Variants in CFAP161 observed in about 807,000 individuals in gnomAD.
CFAP161 encodes cilia and flagella associated protein 161.
In CFAP161, 25 loss-of-function variants were observed where a neutral mutation model predicts 29.0. That is an observed-to-expected ratio of 0.86 (90% confidence interval 0.63 to 1.20). The LOEUF (loss-of-function observed/expected upper bound fraction) is 1.20, where lower values mean the gene tolerates loss of function less well. Ranked by LOEUF, CFAP161 falls within the 50% of genes most tolerant of loss-of-function variation. CFAP161 has a pLI of 0.00. For synonymous variants in CFAP161, 116 were observed against 137.4 expected (o/e 0.84, Z 1.09); for missense variants, 367 against 371.9 (o/e 0.99, Z 0.11).
intron 1 of CFAP161, among the ~76,000 whole-genome samples, chr15:81,106,923 G>A (rs755452116): frequency 1.4e-4 from 21 of 152,070 alleles, no homozygotes; most frequent in Non-Finnish European, 2.4e-4. Context: ...AAAATTAGCC[G>A]GGCGTGATGG....
chr15:81,110,899 CA>C (rs1244899637), intron 1 of CFAP161, among the ~76,000 whole-genome samples: 2 of 152,168 alleles, frequency 1.3e-5, no homozygotes, highest in African/African-American at 4.8e-5. Flanking sequence ...TTCTTTCCCC[CA>C]GGGGTCTGCT....
At chr15:81,133,927 A>C (rs77293051), upstream of CFAP161, among the ~76,000 whole-genome samples, 5 of 123,634 alleles carry the variant, frequency 4.0e-5, no homozygotes, top group East Asian at 2.8e-4. Context: ...GCTGCTGCTG[A>C]TTACAAAAAA....
chr15:81,116,393 A>G (rs2141865935), intron 1 of CFAP161, among the ~76,000 whole-genome samples: 1 of 152,336 alleles, frequency 6.6e-6, no homozygotes, highest in African/African-American at 2.4e-5. Flanking sequence ...TCCTGGGTTC[A>G]AGTGATTCTC....
At chr15:81,147,084 G>C (rs1025655103) in intron 5 of CFAP161, among the ~76,000 whole-genome samples, 2 of 151,364 alleles carry the variant, frequency 1.3e-5, no homozygotes, top group Admixed American at 1.3e-4. Flanking sequence ...TGCTCCCTCT[G>C]CCCTGTGTTT....
Position 81,137,929 on chromosome 15 carries a change from A to T in CFAP161, c.393-122A>T, listed in dbSNP as rs1041781727. 4 of 686,684 alleles carry T rather than the reference A, an allele frequency of 5.8e-6. No individual in the cohort carries two copies. The Admixed American group carries it at 1.1e-4, about 19-fold the overall frequency. The allele number at this position is 686,684 out of a possible 1,614,324, so 42.5% of individuals were successfully genotyped here. On this transcript the variant is annotated intron_variant, in intron 3 of 6. Coordinates refer to ENST00000286732, the MANE Select transcript of CFAP161 (RefSeq NM_173528.4). ...TTTAATTACCTAATTCAGTTACAGT[A>T]TGTGAATATAAATTATCAAAAAACT...
At chr15:81,129,975 T>G (rs1212640616), upstream of CFAP161, among the ~76,000 whole-genome samples, 2 of 148,140 alleles carry the variant, frequency 1.4e-5, no homozygotes, top group Non-Finnish European at 3.0e-5. Context: ...ATATTGAAAA[T>G]CTGTTGTTTA....
chr15:81,118,280 C>T, intron 1 of CFAP161: 1 of 511,878 alleles, frequency 2.0e-6, no homozygotes, highest in Non-Finnish European at 3.7e-6. Flanking sequence ...ACAAATTCAG[C>T]TGTTAAGCTC....
upstream of CFAP161, chr15:81,134,252 G>C (rs1315829524): frequency 2.0e-6 from 3 of 1,515,818 alleles, no homozygotes; most frequent in African/African-American, 1.4e-5. Context: ...CAATCGCCTG[G>C]GGCCGGGTCG....
At chr15:81,130,509 G>T (rs895163908), upstream of CFAP161, among the ~76,000 whole-genome samples, 1 of 152,134 alleles carries the variant, frequency 6.6e-6, no homozygotes, top group Non-Finnish European at 1.5e-5. Flanking sequence ...GACCATCCTG[G>T]CTAACATGGT....
chr15:81,134,001 G>A (rs576535242), upstream of CFAP161, among the ~76,000 whole-genome samples: 1 of 152,296 alleles, frequency 6.6e-6, no homozygotes, highest in East Asian at 1.9e-4. Context: ...CAAGCAAGGG[G>A]TACTCGATAG....
intron 3 of CFAP161, 105 bp from the exon 4 acceptor site, chr15:81,137,946 C>CG: frequency 1.3e-6 from 1 of 788,710 alleles, no homozygotes; most frequent in Non-Finnish European, 2.1e-6. Context: ...TATAAATTAT[C>CG]AAAAAACTGA....
intron 1 of CFAP161, among the ~76,000 whole-genome samples, chr15:81,122,731 A>G (rs11852860): frequency 0.012 from 1,862 of 152,126 alleles, 34 homozygotes; most frequent in African/African-American, 0.043. Context: ...ACCTCAAGGA[A>G]TCTGCCTGCC....
Position 81,147,848 on chromosome 15 carries a change from A to T in CFAP161, c.637-10A>T. Reference sequence around the variant, plus strand: ...AGAATGCTAATAACACATTTTCTTTATCTGTTAAGGCAAATGCTAAAATTC... The same window carrying T: ...AGAATGCTAATAACACATTTTCTTTTTCTGTTAAGGCAAATGCTAAAATTC... On this transcript the variant is annotated splice_polypyrimidine_tract_variant and intron_variant, in intron 5 of 6. Coordinates refer to ENST00000286732, the MANE Select transcript of CFAP161 (RefSeq NM_173528.4). The T allele has an allele frequency of 6.3e-7, 1 of 1,580,160 alleles. No homozygotes were observed. Among genetic ancestry groups the T allele is most frequent in the South Asian group, 1.2e-5 (1 of 84,886 alleles).
intron 4 of CFAP161, among the ~76,000 whole-genome samples, chr15:81,138,598 C>T (rs577620994): frequency 6.6e-6 from 1 of 152,172 alleles, no homozygotes; most frequent in South Asian, 2.1e-4. Context: ...ATCAGGGAGC[C>T]TTGGGGATTA....
At chr15:81,122,093 T>C (rs2663925) in intron 1 of CFAP161, among the ~76,000 whole-genome samples, 86,900 of 152,052 alleles carry the variant, frequency 0.57, 26,100 homozygotes, top group Non-Finnish European at 0.68. Flanking sequence ...TATGTACTAC[T>C]TTTTCTTTAT....
chr15:81,099,710 A>G (rs1595906166), intron 1 of CFAP161, among the ~76,000 whole-genome samples: 1 of 152,304 alleles, frequency 6.6e-6, no homozygotes, highest in East Asian at 1.9e-4. Flanking sequence ...GAACATTACA[A>G]CAGGAAGGAA....
rs962096202 is a variant in CFAP161 at position 81,113,053 on chromosome 15, G to A, written c.-141-14537G>A. The stretch of plus-strand genomic sequence containing the variant: ...AAATGAATATTTTATGATAAAAAGA[G>A]TAAAAAGTAATAAAAGGAGAATTTA... On this transcript the variant is annotated intron_variant, in intron 1 of 4. Coordinates refer to the CFAP161 transcript ENST00000560091. 9.9e-5 allele frequency among the ~76,000 whole-genome samples: 15 copies of A among 152,128 alleles called. No homozygotes were observed. In the East Asian group the frequency reaches 2.7e-3, roughly 27 times the overall value.
chr15:81,119,482 G>T (rs888826206), intron 1 of CFAP161, among the ~76,000 whole-genome samples: 1 of 151,936 alleles, frequency 6.6e-6, no homozygotes, highest in Admixed American at 6.5e-5. Flanking sequence ...TAAATTAACA[G>T]ATTTTAATAA....
intron 5 of CFAP161, 120 bp downstream of exon 5, chr15:81,143,940 C>CT (rs530856219): frequency 2.5e-4 from 278 of 1,123,690 alleles, no homozygotes; most frequent in Middle Eastern, 6.4e-4. Context: ...TCTTTTCTGT[C>CT]TTTTTTTTTC....
Sources: gnomAD v4.1 joint callset for allele counts (sites outside exome capture counted in the v4.1 genomes callset) on GRCh38, gnomAD v4.1.1 for gene constraint, MANE v1.5 for transcripts, NCBI Gene and HGNC (gene_info 2026-07-23, HGNC 2026-07-21) for gene names.